LMX1B: variants seen among roughly 807,000 people sequenced by gnomAD.
LMX1B encodes the protein LIM homeobox transcription factor 1-beta.
A neutral mutation model predicts 51.4 loss-of-function variants in LMX1B; 12 were observed. That is an observed-to-expected ratio of 0.23 (90% CI 0.15 to 0.38). LMX1B has a LOEUF of 0.38. Among genes scored for constraint, LMX1B ranks in the 10% least tolerant of loss-of-function variants. The pLI is 1.00. For synonymous variants in LMX1B, 237 were observed against 235.4 expected, an observed-to-expected ratio of 1.01 and a Z score of -0.06; for missense variants, 445 against 571.1, an observed-to-expected ratio of 0.78 and a Z score of 2.25.
At chr9:126,666,641 T>A (rs987808915) in intron 2 of LMX1B, among the ~76,000 whole-genome samples, 5 of 152,202 alleles carry the variant, frequency 3.3e-5, no homozygotes, top group Non-Finnish European at 5.9e-5. Flanking sequence ...CGTACGCATG[T>A]TCTATGTGCT....
chr9:126,639,914 C>G (rs1023930990), intron 2 of LMX1B, among the ~76,000 whole-genome samples: 8 of 152,050 alleles, frequency 5.3e-5, no homozygotes, highest in Non-Finnish European at 1.2e-4. Context: ...GGATTTTATA[C>G]CTCAATGTGT....
In LMX1B at chr9:126,615,529, T is replaced by C. The variant is rs1835286622; in HGVS notation, c.286T>C (p.Phe96Leu). The change falls in exon 2 of 8, where the codon TTC becomes CTC. Residue 96 changes from phenylalanine to leucine, a missense_variant. Around this residue, in one of 3 missense-constraint regions of LMX1B, gnomAD observed 273 missense variants for 343.3 expected, o/e 0.80. Transcript: ENST00000373474. The surrounding 1 kb of genome is among the most constrained non-coding windows in gnomAD (Gnocchi z 6.0). The stretch of plus-strand genomic sequence containing the variant: ...GCAAGCCCTCACCACCAGCTGCTAC[T>C]TCCGGGATCGGAAACTGTACTGCAA... ...CQQALTTSCY[F>L]RDRKLYCKQD... 6.2e-7 allele frequency: 1 copy of C among 1,611,506 alleles called. No individual in the cohort carries two copies. The highest frequency in any genetic ancestry group is 2.2e-5 in the East Asian group (1 of 44,680).
intron 2 of LMX1B, among the ~76,000 whole-genome samples, chr9:126,669,878 C>T (rs1197442915): frequency 6.6e-6 from 1 of 152,144 alleles, no homozygotes; most frequent in Non-Finnish European, 1.5e-5. Context: ...CCCAGGTACT[C>T]CCCAGGCCAT....
At chr9:126,682,769 C>A (rs957626091) in intron 2 of LMX1B, among the ~76,000 whole-genome samples, 1 of 152,050 alleles carries the variant, frequency 6.6e-6, no homozygotes, top group Non-Finnish European at 1.5e-5. Context: ...GTGGCGCCTG[C>A]CTGTAGTCCC....
chr9:126,693,917 C>T, intron 6 of LMX1B, 105 bp downstream of exon 6: 3 of 652,886 alleles, frequency 4.6e-6, no homozygotes, highest in Admixed American at 2.4e-5. Flanking sequence ...GCTGGGTGAG[C>T]CTGGGCCAGG....
In LMX1B at chr9:126,641,168, G is replaced by A. The variant is rs761882966; in HGVS notation, c.326+25599G>A. On this transcript the variant is annotated intron_variant, in intron 2 of 7. Transcript: ENST00000373474. This position sits in a 1 kb window ranked among gnomAD's most constrained non-coding sequence, Gnocchi z 4.1. ...AGCCTTGGGCCTTCTGGGGAGGTCT[G>A]TGCAGGCTCCTCTGGCCTGTAGGCC... 6.6e-6 allele frequency: 1 copy of A among 152,284 alleles called. No homozygotes were observed. Among genetic ancestry groups the A allele is most frequent in the African/African-American group, 2.4e-5 (1 of 41,458 alleles). The allele number at this position is 152,284 out of a possible 1,614,324, so 9.4% of individuals were successfully genotyped here. A position where few individuals can be genotyped will look rare whatever the true frequency, so the allele number is the denominator to read the frequency against.
At chr9:126,693,689 G>T (rs930159610) in intron 5 of LMX1B, 57 bp from the exon 6 acceptor site, 3 of 1,588,810 alleles carry the variant, frequency 1.9e-6, no homozygotes, top group African/African-American at 1.3e-5. Context: ...GGGGCGTGGG[G>T]CTGGCTGTGC....
In LMX1B at chr9:126,698,306, C is replaced by T. The variant is rs1157483395; in HGVS notation, c.*1855C>T. The T allele has an allele frequency of 6.6e-6, 1 of 152,462 alleles. No homozygotes were observed. Among genetic ancestry groups the T allele is most frequent in the Non-Finnish European group, 1.5e-5 (1 of 68,198 alleles). The allele number at this position is 152,462 out of a possible 1,614,324, so 9.4% of individuals were successfully genotyped here. On this transcript the variant is annotated 3_prime_UTR_variant, in exon 8 of 8. Coordinates refer to ENST00000373474, the MANE Select transcript of LMX1B (RefSeq NM_001174147.2). ...TGACCACTGCTCTCCTCTCTCCCAG[C>T]ACATCTGCCCAGTGAGGAGTTGGCC...
intron 2 of LMX1B, among the ~76,000 whole-genome samples, chr9:126,620,982 G>C (rs1032455782): frequency 2.6e-5 from 4 of 152,156 alleles, no homozygotes; most frequent in African/African-American, 7.2e-5. Flanking sequence ...ACCATTCCAG[G>C]AACTCAGAAG....
intron 2 of LMX1B, among the ~76,000 whole-genome samples, chr9:126,646,317 TATCCATCCATCTACCTACCC>T (rs58132972): frequency 0.19 from 28,509 of 151,452 alleles, 3,652 homozygotes; most frequent in East Asian, 0.41. Flanking sequence ...GCCACCTACC[TATCCATCCATCTACCTACCC>T]ATCCATCCAT....
At chr9:126,690,282 C>T (rs2030073216) in intron 2 of LMX1B, among the ~76,000 whole-genome samples, 1 of 152,150 alleles carries the variant, frequency 6.6e-6, no homozygotes, top group Non-Finnish European at 1.5e-5. Flanking sequence ...CCCCCTGGCT[C>T]CTGTGTGTGT....
intron 2 of LMX1B, among the ~76,000 whole-genome samples, chr9:126,637,822 T>TCCCCCCC (rs56108871): frequency 3.0e-4 from 28 of 92,038 alleles, no homozygotes; most frequent in Admixed American, 9.0e-4. Flanking sequence ...GTGCCTGTCC[T>TCCCCCCC]CCCCCCCCCC....
chr9:126,631,010 G>C (rs925992507), intron 2 of LMX1B, among the ~76,000 whole-genome samples: 1 of 152,194 alleles, frequency 6.6e-6, no homozygotes, highest in African/African-American at 2.4e-5. Flanking sequence ...CCCCTCCCAC[G>C]TGCCCCCGCC....
chr9:126,683,356 T>G (rs1436152438), intron 2 of LMX1B, among the ~76,000 whole-genome samples: 2 of 152,104 alleles, frequency 1.3e-5, no homozygotes, highest in Admixed American at 6.5e-5. Context: ...CTGGTTTGAG[T>G]TGGATCCCCA....
At chr9:126,661,219 T>TGGACGCCCCATGCAGGGCGACCTCC (rs1564158762) in intron 2 of LMX1B, among the ~76,000 whole-genome samples, 1 of 148,214 alleles carries the variant, frequency 6.7e-6, no homozygotes. Flanking sequence ...GGGCGACCTC[T>TGGACGCCCCATGCAGGGCGACCTCC]CAGGCCAGCG....
intron 2 of LMX1B, among the ~76,000 whole-genome samples, chr9:126,635,195 C>A (rs1201957278): frequency 6.6e-6 from 1 of 152,226 alleles, no homozygotes; most frequent in Non-Finnish European, 1.5e-5. Context: ...AGGTCTGACT[C>A]CAGCTCCTGC....
At chr9:126,678,340 A>C (rs1392572198) in intron 2 of LMX1B, among the ~76,000 whole-genome samples, 2 of 149,242 alleles carry the variant, frequency 1.3e-5, no homozygotes, top group Non-Finnish European at 1.5e-5. Flanking sequence ...AAAAAAAAAA[A>C]ACAAAAAGAC....
chr9:126,644,642 G>A (rs943163566), intron 2 of LMX1B, among the ~76,000 whole-genome samples: 12 of 152,310 alleles, frequency 7.9e-5, no homozygotes, highest in African/African-American at 2.9e-4. Flanking sequence ...AGGGCTCGGG[G>A]AAGATAATGG....
chr9:126,631,789 C>A (rs1464297670), intron 2 of LMX1B, among the ~76,000 whole-genome samples: 1 of 152,154 alleles, frequency 6.6e-6, no homozygotes, highest in Non-Finnish European at 1.5e-5. Context: ...ATTCCCTGTG[C>A]CTCAGTTTCT....
Sources: allele counts gnomAD v4.1 joint callset (sites outside exome capture counted in the v4.1 genomes callset), GRCh38; gene constraint gnomAD v4.1.1; regional missense constraint gnomAD v4.1.1; non-coding constraint Gnocchi (gnomAD v3.1); transcripts MANE v1.5; gene names NCBI Gene and HGNC (gene_info 2026-07-23, HGNC 2026-07-21).